Variants in MOV10 observed in about 807,000 individuals in gnomAD.
The protein encoded by MOV10 is RNA helicase MOV-10.
Under a neutral mutation model 108.4 loss-of-function variants are expected in MOV10, and 39 were observed. The observed-to-expected ratio is 0.36, with a 90% confidence interval of 0.28 to 0.47. The LOEUF is 0.47. Ranked by LOEUF, MOV10 falls within the 20% of genes least tolerant of loss-of-function variation. The pLI is 1.00. For missense variants in MOV10, 952 were observed against 1,297.6 expected (o/e 0.73, Z 4.09); for synonymous variants, 490 against 523.1 (o/e 0.94, Z 0.86).
chr1:112,680,809 T>A (rs886733361), intron 2 of MOV10, among the ~76,000 whole-genome samples: 4 of 148,952 alleles, frequency 2.7e-5, no homozygotes, highest in African/African-American at 4.9e-5. Flanking sequence ...TTCAAGCAAT[T>A]CTCCTGCCTC....
rs748795486 is a variant in MOV10 at position 112,690,040 on chromosome 1, C to T, written c.778C>T (p.Arg260Trp). The T allele has an allele frequency of 9.3e-6, 15 of 1,613,948 alleles. No individual in the cohort carries two copies. The highest frequency in any genetic ancestry group is 4.5e-5 in the East Asian group (2 of 44,886). ...LKPMTPFKRT[R>W]ITGNPVVTNR... Reference sequence around the variant, plus strand: ...GCCCATGACTCCCTTCAAGCGGACCCGGATCACCGGAAACCCTGTGGTGAC... The same window carrying T: ...GCCCATGACTCCCTTCAAGCGGACCTGGATCACCGGAAACCCTGTGGTGAC... Residue 260 changes from arginine (R) to tryptophan (W), a missense_variant, in exon 5 of 21, where the codon CGG (arginine) becomes TGG (tryptophan). Physicochemically the swap from Arg to Trp is moderately radical, Grantham distance 101. Coordinates refer to ENST00000369645, the MANE Select transcript of MOV10 (RefSeq NM_001321324.2).
intron 2 of MOV10, among the ~76,000 whole-genome samples, chr1:112,679,937 C>A (rs1038260174): frequency 2.0e-5 from 3 of 152,060 alleles, no homozygotes; most frequent in South Asian, 4.1e-4. Flanking sequence ...TTCTCTTTGA[C>A]CCAGGTGTTG....
At position 112,674,859 on chromosome 1, in the gene MOV10, A is replaced by C; in HGVS notation, c.-54A>C. The C allele has an allele frequency of 6.6e-7, 1 of 1,507,054 alleles. No individual in the cohort carries two copies. The highest frequency in any genetic ancestry group is 1.3e-5 in the South Asian group (1 of 78,848). 93.4% of individuals were successfully genotyped at this position (1,507,054 alleles called of 1,614,324 possible). A position where few individuals can be genotyped will look rare whatever the true frequency, so the allele number is the denominator to read the frequency against. On this transcript the variant is annotated 5_prime_UTR_variant, in exon 2 of 21. Transcript: ENST00000369645. The stretch of plus-strand genomic sequence containing the variant: ...CCGCCAACTTCCAGCTGCAGCGGCG[A>C]CTTTCAGTTTCATTTCCACGGACCC...
At chr1:112,683,644 G>T (rs1672837209) in intron 2 of MOV10, among the ~76,000 whole-genome samples, 1 of 152,172 alleles carries the variant, frequency 6.6e-6, no homozygotes, top group Non-Finnish European at 1.5e-5. Context: ...TGGCCTGGTT[G>T]TTCCGTATCC....
At chr1:112,676,487 G>A (rs77089180) in intron 2 of MOV10, among the ~76,000 whole-genome samples, 75 of 152,320 alleles carry the variant, frequency 4.9e-4, no homozygotes, top group African/African-American at 1.6e-3. Context: ...CTTGACTCAA[G>A]GCTATGGTAA....
rs1438807058 is a variant in MOV10, at chr1:112,699,745, C to T, written c.2644C>T (p.Arg882Ter). 6.2e-7 allele frequency: 1 copy of T among 1,614,226 alleles called. No homozygotes were observed. The highest frequency in any genetic ancestry group is 1.1e-5 in the South Asian group (1 of 91,082). ...ERSVILISTV[R>*]SSQSFVQLDL... ...AAGCGTCATCCTCATCTCCACCGTG[C>T]GAAGCAGCCAGAGCTTTGTGCAGCT... The change falls in exon 18 of 21, where the codon CGA becomes TGA. Residue 882 changes from arginine to a stop codon, truncating the protein, a stop_gained. Coordinates refer to ENST00000369645, the MANE Select transcript of MOV10 (RefSeq NM_001321324.2). LOFTEE classifies it high-confidence loss of function.
In MOV10 at chr1:112,675,133, C is replaced by G. The variant is rs369830729; in HGVS notation, c.137+84C>G. ...CGCGCGAGGGCCACCTTTCCCGCCC[C>G]GGGGCGCAGAGGGACGCAGCTCCCC... On this transcript the variant is annotated intron_variant, in intron 2 of 20. Coordinates refer to ENST00000369645, the MANE Select transcript of MOV10 (RefSeq NM_001321324.2). This position sits in a 1 kb window ranked among gnomAD's most constrained non-coding sequence, Gnocchi z 4.7. 2.7e-5 allele frequency: 41 copies of G among 1,517,372 alleles called. No individual in the cohort carries two copies. Among genetic ancestry groups the G allele is most frequent in the East Asian group, 2.4e-4 (9 of 38,102 alleles). 94.0% of individuals were successfully genotyped at this position (1,517,372 alleles called of 1,614,324 possible).
At chr1:112,680,385 G>C (rs188875810) in intron 2 of MOV10, among the ~76,000 whole-genome samples, 1 of 151,990 alleles carries the variant, frequency 6.6e-6, no homozygotes, top group Admixed American at 6.5e-5. Flanking sequence ...GGCCGGGCGC[G>C]GTGGCTCACG....
At chr1:112,683,958 T>C (rs1672863197) in intron 2 of MOV10, among the ~76,000 whole-genome samples, 1 of 152,056 alleles carries the variant, frequency 6.6e-6, no homozygotes, top group South Asian at 2.1e-4. Context: ...TTTTATTTTA[T>C]TTTATTTTTT....
chr1:112,698,822 T>C, intron 17 of MOV10, 33 bp downstream of exon 17: 1 of 1,584,028 alleles, frequency 6.3e-7, no homozygotes, highest in South Asian at 1.1e-5. Context: ...CTCCCTGCCT[T>C]CCGTGTGCCC....
Position 112,696,540 on chromosome 1 carries a change from G to A in MOV10, c.1981+6G>A, listed in dbSNP as rs545919197. 6.2e-7 allele frequency: 1 copy of A among 1,612,990 alleles called. No individual in the cohort carries two copies. The highest frequency in any genetic ancestry group is 1.1e-5 in the South Asian group (1 of 91,044). ...GAGTCTGGTAGCTATAGCAGGTGAGGGACTCAGGTGGGGCTGCAGGTATAC... is the reference window on the plus strand; with the variant it reads ...GAGTCTGGTAGCTATAGCAGGTGAGAGACTCAGGTGGGGCTGCAGGTATAC... On this transcript the variant is annotated splice_donor_region_variant and intron_variant, in intron 13 of 20. Coordinates refer to ENST00000369645, the MANE Select transcript of MOV10 (RefSeq NM_001321324.2).
chr1:112,683,034 C>T (rs1378030425), intron 2 of MOV10, among the ~76,000 whole-genome samples: 1 of 151,920 alleles, frequency 6.6e-6, no homozygotes. Flanking sequence ...ATTCTCCCGC[C>T]TCAGCCTCCT....
In MOV10 at chr1:112,692,844, A is replaced by G; in HGVS notation, c.1055A>G (p.Glu352Gly). ...LLLHLEELQM[E>G]HDIRHYDLES... is the part of the protein sequence containing the mutation. ...CTGCACCTGGAGGAACTGCAGATGG[A>G]GCATGATATCCGGCACTATGACCTG... Residue 352 changes from glutamate (E) to glycine (G), a missense_variant, in exon 7 of 21, where the codon GAG becomes GGG. Around this residue, in one of 5 missense-constraint regions of MOV10, gnomAD observed 374 missense variants for 468.6 expected, o/e 0.80. Transcript: ENST00000369645. The G allele has an allele frequency of 6.2e-7, 1 of 1,614,086 alleles. No individual in the cohort carries two copies. The highest frequency in any genetic ancestry group is 8.5e-7 in the Non-Finnish European group (1 of 1,180,018).
intron 11 of MOV10, 52 bp downstream of exon 11, chr1:112,695,626 C>T (rs1301819696): frequency 6.3e-7 from 1 of 1,580,516 alleles, no homozygotes; most frequent in African/African-American, 1.3e-5. Flanking sequence ...GGGAGGCTCT[C>T]AGGGCAGACA....
chr1:112,677,352 T>C (rs1672275906), intron 2 of MOV10, among the ~76,000 whole-genome samples: 1 of 152,234 alleles, frequency 6.6e-6, no homozygotes, highest in African/African-American at 2.4e-5. Context: ...ATCCCCGCTC[T>C]GTACCCTCAT....
chr1:112,690,198 C>G, intron 5 of MOV10, 100 bp downstream of exon 5: 1 of 1,420,612 alleles, frequency 7.0e-7, no homozygotes, highest in Non-Finnish European at 9.5e-7. Flanking sequence ...GAGCCCTTTT[C>G]CTACAGGCTC....
chr1:112,696,606 T>C (rs779460499), intron 13 of MOV10, 24 bp from the exon 14 acceptor site: 10 of 1,613,514 alleles, frequency 6.2e-6, no homozygotes, highest in Non-Finnish European at 8.5e-6. Context: ...TTACCTTTCT[T>C]CCCACACCTC....
Position 112,692,840 on chromosome 1 carries a change from A to G in MOV10, c.1051A>G (p.Met351Val). 1 of 1,614,060 alleles carries G rather than the reference A, an allele frequency of 6.2e-7. No homozygotes were observed. The highest frequency in any genetic ancestry group is 8.5e-7 in the Non-Finnish European group (1 of 1,180,008). ...RLLLHLEELQ[M>V]EHDIRHYDLE... ...GCTGCTGCACCTGGAGGAACTGCAG[A>G]TGGAGCATGATATCCGGCACTATGA... is the stretch of plus-strand genomic sequence containing the variant. Residue 351 changes from methionine to valine, a missense_variant, in exon 7 of 21, where the codon ATG (methionine) becomes GTG (valine). Around this residue, in one of 5 missense-constraint regions of MOV10, gnomAD observed 374 missense variants for 468.6 expected, o/e 0.80. Coordinates refer to ENST00000369645, the MANE Select transcript of MOV10 (RefSeq NM_001321324.2).
chr1:112,698,923 TC>T, intron 17 of MOV10, 134 bp downstream of exon 17: 1 of 750,790 alleles, frequency 1.3e-6, no homozygotes, highest in Non-Finnish European at 2.4e-6. Flanking sequence ...GCTCGAGCTC[TC>T]CCTGAGCCTC....
Sources: gnomAD v4.1 joint callset for allele counts (sites outside exome capture counted in the v4.1 genomes callset) on GRCh38, gnomAD v4.1.1 for gene constraint, gnomAD v4.1.1 regional missense constraint, Gnocchi (gnomAD v3.1) non-coding constraint, MANE v1.5 for transcripts, NCBI Gene and HGNC (gene_info 2026-07-23, HGNC 2026-07-21) for gene names.